The following FLACC1 variants were observed in gnomAD, a reference collection of about 807,000 sequenced individuals.
FLACC1 encodes flagellum-associated coiled-coil domain-containing protein 1.
In FLACC1, 66 loss-of-function variants were observed where a neutral mutation model predicts 62.8. The ratio of observed to expected loss-of-function variants is 1.05; its 90% CI spans 0.86 to 1.29. FLACC1 has a LOEUF of 1.29. FLACC1 is among the 50% of genes most tolerant of loss of function. FLACC1 has a pLI of 0.00. For missense variants in FLACC1, 452 were observed against 489.1 expected, an observed-to-expected ratio of 0.92 and a Z score of 0.71; for synonymous variants, 156 against 161.0, an observed-to-expected ratio of 0.97 and a Z score of 0.24.
intron 12 of FLACC1, among the ~76,000 whole-genome samples, chr2:201,292,179 C>T (rs1357267097): frequency 6.6e-6 from 1 of 152,140 alleles, no homozygotes; most frequent in African/African-American, 2.4e-5. Context: ...CAGAGAACAG[C>T]ATAAAGATAC....
intron 9 of FLACC1, among the ~76,000 whole-genome samples, chr2:201,328,973 C>T (rs934813536): frequency 1.3e-5 from 2 of 151,928 alleles, no homozygotes; most frequent in Non-Finnish European, 1.5e-5. Context: ...GTTTGACAAA[C>T]GGATAGTTAC....
chr2:201,294,102 A>G (rs1243080305), intron 12 of FLACC1, among the ~76,000 whole-genome samples: 1 of 152,214 alleles, frequency 6.6e-6, no homozygotes, highest in Non-Finnish European at 1.5e-5. Context: ...TACAAGGAGG[A>G]GCTGGTACCA....
chr2:201,360,686 C>T (rs1191555031), upstream of FLACC1, among the ~76,000 whole-genome samples: 1 of 152,220 alleles, frequency 6.6e-6, no homozygotes, highest in Non-Finnish European at 1.5e-5. Context: ...TGTAGTGCTA[C>T]CCTTGCACCT....
intron 11 of FLACC1, among the ~76,000 whole-genome samples, chr2:201,303,918 T>G (rs1576422848): frequency 6.6e-6 from 1 of 152,308 alleles, no homozygotes; most frequent in Middle Eastern, 3.4e-3. Context: ...TAGGTATTGA[T>G]GGGACGTATC....
At chr2:201,343,509 G>A (rs976235493) in intron 6 of FLACC1, among the ~76,000 whole-genome samples, 1 of 152,144 alleles carries the variant, frequency 6.6e-6, no homozygotes, top group African/African-American at 2.4e-5. Context: ...AGACACATCT[G>A]GGGCATATCA....
chr2:201,362,346 T>C (rs1951192625), upstream of FLACC1, among the ~76,000 whole-genome samples: 1 of 152,170 alleles, frequency 6.6e-6, no homozygotes, highest in South Asian at 2.1e-4. Flanking sequence ...CTTTTTTTTT[T>C]CCAAGATGGC....
chr2:201,345,758 G>A (rs1345229339), intron 5 of FLACC1, among the ~76,000 whole-genome samples: 2 of 152,216 alleles, frequency 1.3e-5, no homozygotes, highest in Non-Finnish European at 2.9e-5. Context: ...GGAGGACAGA[G>A]AGTGGGTGGA....
chr2:201,322,276 G>GAA (rs888076773), intron 9 of FLACC1, among the ~76,000 whole-genome samples: 1 of 141,304 alleles, frequency 7.1e-6, no homozygotes. Flanking sequence ...AAAAAAAAAA[G>GAA]AAAAAAAAAA....
Position 201,305,929 on chromosome 2 carries a change from A to T in FLACC1, c.879+1590T>A, listed in dbSNP as rs182926977. ...TTGGGGAACACCACACACCAGGGCC[A>T]GTTGTGGGGTGGGGGGAGGGGGGAA... is the stretch of plus-strand genomic sequence containing the variant. On this transcript the variant is annotated intron_variant, in intron 11 of 14. Transcript: ENST00000392257. Among the ~76,000 whole-genome samples, 1,046 of 132,432 alleles carry T rather than the reference A, an allele frequency of 7.9e-3. 4 individuals carry two copies. The highest frequency in any genetic ancestry group is 0.013 in the Non-Finnish European group (820 of 62,294). 86.9% of individuals were successfully genotyped at this position (132,432 alleles called of 152,430 possible). A position where few individuals can be genotyped will look rare whatever the true frequency, so the allele number is the denominator to read the frequency against.
intron 9 of FLACC1, among the ~76,000 whole-genome samples, chr2:201,318,531 A>C (rs1221335246): frequency 1.3e-5 from 2 of 152,256 alleles, no homozygotes; most frequent in Non-Finnish European, 2.9e-5. Flanking sequence ...AATGCAAATC[A>C]AAACCACAAT....
chr2:201,348,097 T>C, intron 4 of FLACC1, 157 bp downstream of exon 4: 1 of 646,146 alleles, frequency 1.5e-6, no homozygotes, highest in South Asian at 2.3e-5. Flanking sequence ...TTCTTCCACT[T>C]ACCTGCCGTG....
At chr2:201,339,870 C>T (rs1950771440) in intron 7 of FLACC1, among the ~76,000 whole-genome samples, 1 of 152,038 alleles carries the variant, frequency 6.6e-6, no homozygotes, top group Non-Finnish European at 1.5e-5. Flanking sequence ...TCAGGAATGG[C>T]AGCTATGGGC....
the FLACC1 span, among the ~76,000 whole-genome samples, chr2:201,362,990 G>T: frequency 6.6e-6 from 1 of 152,138 alleles, no homozygotes; most frequent in African/African-American, 2.4e-5. Flanking sequence ...TTGCAGCCAG[G>T]GCTAGCTTGG....
intron 9 of FLACC1, among the ~76,000 whole-genome samples, chr2:201,315,376 G>C (rs1255098042): frequency 6.6e-6 from 1 of 152,028 alleles, no homozygotes; most frequent in East Asian, 1.9e-4. Context: ...CCATGCAAAT[G>C]GACACCAAAA....
chr2:201,328,463 T>C (rs1044981477), intron 9 of FLACC1, among the ~76,000 whole-genome samples: 1 of 152,208 alleles, frequency 6.6e-6, no homozygotes, highest in African/African-American at 2.4e-5. Context: ...TCTTGCTCTG[T>C]TGCCCAGGCT....
At chr2:201,337,528 C>T (rs959835219) in intron 7 of FLACC1, among the ~76,000 whole-genome samples, 1 of 152,054 alleles carries the variant, frequency 6.6e-6, no homozygotes, top group African/African-American at 2.4e-5. Flanking sequence ...AATACCTTGC[C>T]ATTTTGGTTA....
intron 2 of FLACC1, 99 bp downstream of exon 2, chr2:201,351,193 T>G (rs1951020487): frequency 1.8e-6 from 2 of 1,106,330 alleles, no homozygotes; most frequent in Non-Finnish European, 2.6e-6. Context: ...ACCTGGGATT[T>G]TCCTGCCACA....
chr2:201,350,555 C>T (rs750688153), intron 3 of FLACC1, among the ~76,000 whole-genome samples, 156 bp downstream of exon 3: 3 of 152,106 alleles, frequency 2.0e-5, no homozygotes, highest in Non-Finnish European at 4.4e-5. Context: ...GGCGCGCACA[C>T]CTGTATTCCC....
At chr2:201,315,241 C>T (rs536728876) in intron 9 of FLACC1, among the ~76,000 whole-genome samples, 93 of 152,268 alleles carry the variant, frequency 6.1e-4, no homozygotes, top group African/African-American at 2.2e-3. Flanking sequence ...CCTAAATGCT[C>T]TACTTAAAAG....
Sources: allele counts gnomAD v4.1 joint callset (sites outside exome capture counted in the v4.1 genomes callset), GRCh38; gene constraint gnomAD v4.1.1; transcripts MANE v1.5; gene names NCBI Gene and HGNC (gene_info 2026-07-23, HGNC 2026-07-21).